The following ADGRB3 variants were observed in gnomAD, a reference collection of about 807,000 sequenced individuals.
ADGRB3 encodes the protein brain-specific angiogenesis inhibitor 3.
In ADGRB3, 37 loss-of-function variants were observed where a neutral mutation model predicts 193.4. That is an observed-to-expected ratio of 0.19 (90% CI 0.15 to 0.25). ADGRB3 has a LOEUF of 0.25. ADGRB3 is among the 10% of genes least tolerant of loss of function. The pLI is 1.00. For synonymous variants in ADGRB3, 690 were observed against 644.2 expected, an observed-to-expected ratio of 1.07 and a Z score of -1.08; for missense variants, 1,637 against 1,852.9, an observed-to-expected ratio of 0.88 and a Z score of 2.14.
At chr6:69,274,350 A>G (rs1767244810) in intron 20 of ADGRB3, among the ~76,000 whole-genome samples, 1 of 152,232 alleles carries the variant, frequency 6.6e-6, no homozygotes, top group South Asian at 2.1e-4. Context: ...ATGCCAAGAA[A>G]TAAAGAATGT....
At chr6:68,684,831 A>G (rs79937518) in intron 3 of ADGRB3, among the ~76,000 whole-genome samples, 135 of 152,260 alleles carry the variant, frequency 8.9e-4, no homozygotes, top group African/African-American at 3.2e-3. Context: ...AAATCACCAT[A>G]TATTCCTGAA....
chr6:69,008,132 T>G (rs12194774), intron 11 of ADGRB3, among the ~76,000 whole-genome samples: 61,922 of 151,962 alleles, frequency 0.41, 13,268 homozygotes, highest in Middle Eastern at 0.46. Context: ...CATTACATTG[T>G]CAACAGCTGA....
chr6:68,754,879 A>G (rs562010), intron 3 of ADGRB3, among the ~76,000 whole-genome samples: 112,966 of 152,010 alleles, frequency 0.74, 42,430 homozygotes, highest in Middle Eastern at 0.91. Context: ...GCCATGGGGG[A>G]ATTTCTTGAG....
chr6:69,187,701 T>C (rs967798487), intron 17 of ADGRB3, among the ~76,000 whole-genome samples: 2 of 152,190 alleles, frequency 1.3e-5, no homozygotes, highest in African/African-American at 4.8e-5. Context: ...GGATGTTTTC[T>C]AGGTAGATGC....
chr6:69,110,829 C>A (rs1399299659), intron 17 of ADGRB3, among the ~76,000 whole-genome samples: 1 of 152,138 alleles, frequency 6.6e-6, no homozygotes, highest in African/African-American at 2.4e-5. Flanking sequence ...CTTCAGCTTA[C>A]ATACGGTGAA....
At chr6:68,867,318 G>T (rs960412520) in intron 3 of ADGRB3, among the ~76,000 whole-genome samples, 1 of 152,224 alleles carries the variant, frequency 6.6e-6, no homozygotes, top group Non-Finnish European at 1.5e-5. Context: ...GGGGGTTCCA[G>T]CCCCATGCCT....
At chr6:68,970,553 G>T (rs1280672433) in intron 8 of ADGRB3, among the ~76,000 whole-genome samples, 1 of 152,096 alleles carries the variant, frequency 6.6e-6, no homozygotes, top group Non-Finnish European at 1.5e-5. Context: ...TGATCTGCCC[G>T]CCTTGGCCTC....
chr6:69,178,035 A>T (rs574712493), intron 17 of ADGRB3, among the ~76,000 whole-genome samples: 1 of 152,242 alleles, frequency 6.6e-6, no homozygotes, highest in East Asian at 1.9e-4. Flanking sequence ...TGTCAGTAGG[A>T]TGTTGAAGTC....
rs185767844 is a variant in ADGRB3, at chr6:69,212,118, A to G, written c.2481-21172A>G. Among the ~76,000 whole-genome samples the G allele has an allele frequency of 3.3e-3, 501 of 152,336 alleles. 1 individual carries two copies. The highest frequency in any genetic ancestry group is 3.6e-3 in the Non-Finnish European group (248 of 68,014). ...TTCAGTATTAGCATAATGAATTTGT[A>G]GGAAATCAAATAAGGTTACTGTAAC... On this transcript the variant is annotated intron_variant, in intron 17 of 31. Transcript: ENST00000370598.
At position 68,817,307 on chromosome 6, in the gene ADGRB3, GTATATATATATATATATATATATATA is replaced by G. The variant is rs60723627; in HGVS notation, c.758-113223_758-113198del. Among the ~76,000 whole-genome samples, 15 of 44,176 alleles carry G rather than the reference GTATATATATATATATATATATATATA, an allele frequency of 3.4e-4. 1 individual carries two copies. In the East Asian group the frequency reaches 6.8e-3, roughly 20 times the overall value. The allele number at this position is 44,176 out of a possible 152,430, so 29.0% of individuals were successfully genotyped here. A position where few individuals can be genotyped will look rare whatever the true frequency, so the allele number is the denominator to read the frequency against. Reference sequence around the variant, plus strand: ...GTATTTATTATTCCCTTTTGTCCATGTATATATATATATATATATATATATATATATATATATATATATATATATAT... The same window carrying G: ...GTATTTATTATTCCCTTTTGTCCATGTATATATATATATATATATATATAT... On this transcript the variant is annotated intron_variant, in intron 3 of 31. Transcript: ENST00000370598.
chr6:69,175,326 T>C (rs947680075), intron 17 of ADGRB3, among the ~76,000 whole-genome samples: 1 of 152,150 alleles, frequency 6.6e-6, no homozygotes. Context: ...TATGGTGAAA[T>C]GTAGTGGTCC....
chr6:69,330,425 A>G, intron 22 of ADGRB3, 81 bp from the exon 23 acceptor site: 1 of 1,061,756 alleles, frequency 9.4e-7, no homozygotes, highest in Non-Finnish European at 1.4e-6. Flanking sequence ...AAAATGTATA[A>G]TCTAAGTTGT....
intron 20 of ADGRB3, among the ~76,000 whole-genome samples, chr6:69,247,830 A>G (rs980011484): frequency 6.6e-6 from 1 of 152,182 alleles, no homozygotes; most frequent in African/African-American, 2.4e-5. Flanking sequence ...GGATAATATA[A>G]TAGGAGTATA....
At chr6:68,648,008 T>C (rs1247010008) in intron 3 of ADGRB3, among the ~76,000 whole-genome samples, 1 of 152,122 alleles carries the variant, frequency 6.6e-6, no homozygotes, top group Admixed American at 6.5e-5. Flanking sequence ...TAAGGTAAAA[T>C]TTAAAAATAT....
At chr6:68,907,845 GCTTTTCATCCTTTCCATTT>G (rs1042076760) in intron 3 of ADGRB3, among the ~76,000 whole-genome samples, 2 of 151,748 alleles carry the variant, frequency 1.3e-5, no homozygotes, top group African/African-American at 4.8e-5. Context: ...ACACTAGGTA[GCTTTTCATCCTTTCCATTT>G]CTGTAACATT....
At chr6:69,380,133 A>T (rs1305487841) in intron 30 of ADGRB3, among the ~76,000 whole-genome samples, 1 of 151,972 alleles carries the variant, frequency 6.6e-6, no homozygotes. Context: ...CCAATCAGCT[A>T]ATGTATATTC....
chr6:68,639,206 C>A lies in ADGRB3; in HGVS notation c.531C>A (p.Ser177Arg). Residue 177 changes from serine to arginine, a missense_variant, in exon 3 of 32, where the codon AGC (serine) becomes AGA (arginine). By Grantham distance (110) the Ser-to-Arg change is moderately radical (BLOSUM62 -1). Around this residue, in one of 7 missense-constraint regions of ADGRB3, gnomAD observed 365 missense variants for 409.8 expected, o/e 0.89. Transcript: ENST00000370598. ...GCHVLCTWLE[S>R]CLKSENGRTE... ...ATGTATTATGTACTTGGTTGGAGAGCTGCTTAAAATCAGAAAATGGGAGAA... is the reference window on the plus strand; with the variant it reads ...ATGTATTATGTACTTGGTTGGAGAGATGCTTAAAATCAGAAAATGGGAGAA... 6.2e-7 allele frequency: 1 copy of A among 1,614,094 alleles called. No individual in the cohort carries two copies. Among genetic ancestry groups the A allele is most frequent in the Non-Finnish European group, 8.5e-7 (1 of 1,180,014 alleles).
At chr6:69,091,894 AT>A (rs1177449402) in intron 17 of ADGRB3, among the ~76,000 whole-genome samples, 4 of 152,358 alleles carry the variant, frequency 2.6e-5, no homozygotes, top group East Asian at 1.9e-4. Flanking sequence ...GATTAAAAAA[AT>A]GTATAAAAAT....
chr6:69,206,021 G>T (rs1168868196), intron 17 of ADGRB3, among the ~76,000 whole-genome samples: 5 of 133,078 alleles, frequency 3.8e-5, no homozygotes, highest in Admixed American at 8.0e-5. Context: ...TATATATAGA[G>T]AGAGAATAAT....
Sources: gnomAD v4.1 joint callset for allele counts (sites outside exome capture counted in the v4.1 genomes callset) on GRCh38, gnomAD v4.1.1 for gene constraint, gnomAD v4.1.1 regional missense constraint, MANE v1.5 for transcripts, NCBI Gene and HGNC (gene_info 2026-07-23, HGNC 2026-07-21) for gene names.